Variants in GRIN3A observed in about 807,000 individuals in gnomAD.
The protein encoded by GRIN3A is glutamate ionotropic receptor NMDA type subunit 3A.
Under a neutral mutation model 92.4 loss-of-function variants are expected in GRIN3A, and 47 were observed. The ratio of observed to expected loss-of-function variants is 0.51; its 90% CI spans 0.40 to 0.65. The LOEUF is 0.65. Ranked by LOEUF, GRIN3A falls within the 30% of genes least tolerant of loss-of-function variation. The probability of loss-of-function intolerance (pLI) is 0.00; values close to 1 mark genes in which losing one functional copy is unlikely to be tolerated. For synonymous variants in GRIN3A, 527 were observed against 540.6 expected (o/e 0.97, Z 0.35); for missense variants, 1,324 against 1,393.1 (o/e 0.95, Z 0.79).
intron 2 of GRIN3A, among the ~76,000 whole-genome samples, chr9:101,679,318 A>G (rs985803524): frequency 3.9e-5 from 6 of 152,212 alleles, no homozygotes; most frequent in African/African-American, 1.4e-4. Context: ...CTTCTCGGGC[A>G]CATAAAAGCT....
intron 3 of GRIN3A, among the ~76,000 whole-genome samples, chr9:101,659,980 C>T (rs867571141): frequency 3.1e-4 from 47 of 151,924 alleles, no homozygotes; most frequent in African/African-American, 1.1e-3. Flanking sequence ...TGATGATTTT[C>T]CTATGGTTTC....
chr9:101,650,158 G>A (rs1828996065), intron 3 of GRIN3A, among the ~76,000 whole-genome samples: 1 of 152,002 alleles, frequency 6.6e-6, no homozygotes, highest in African/African-American at 2.4e-5. Flanking sequence ...AGCATATCAG[G>A]AAGGAGGAAT....
rs1303008476 is a variant in GRIN3A at position 101,610,603 on chromosome 9, A to G, written c.2766+2773T>C. Among the ~76,000 whole-genome samples the G allele has an allele frequency of 3.5e-5, 5 of 141,248 alleles. No individual in the cohort carries two copies. The East Asian group carries it at 1.0e-3, about 29-fold the overall frequency. 92.7% of individuals were successfully genotyped at this position (141,248 alleles called of 152,430 possible). ...TATCTATCTATCTATCTATCTATCT[A>G]TCTATCTATCTATCTATCTATCATC... On this transcript the variant is annotated intron_variant, in intron 6 of 8. Transcript: ENST00000361820.
chr9:101,734,797 T>G (rs1327936616), intron 1 of GRIN3A, among the ~76,000 whole-genome samples: 1 of 151,986 alleles, frequency 6.6e-6, no homozygotes, highest in Non-Finnish European at 1.5e-5. Flanking sequence ...AGACACAATT[T>G]TATTTTACTT....
At position 101,737,891 on chromosome 9, in the gene GRIN3A, C is replaced by T; in HGVS notation, c.89G>A (p.Ser30Asn). 1 of 1,534,550 alleles carries T rather than the reference C, an allele frequency of 6.5e-7. No homozygotes were observed. The part of the protein sequence containing the change: ...PCALVLAGVP[S>N]SSSHPQPCQI... ...GCAGGGCTGCGGGTGCGAGGAGGAG[C>T]TGGGCACCCCGGCCAGCACCAGTGC... is the stretch of plus-strand genomic sequence containing the variant. Residue 30 changes from serine (S) to asparagine (N), a missense_variant, in exon 1 of 9, where the codon AGC becomes AAC. Physicochemically the swap from Ser to Asn is conservative, Grantham distance 46. Coordinates refer to ENST00000361820, the MANE Select transcript of GRIN3A (RefSeq NM_133445.3).
At chr9:101,655,750 T>G (rs771649033) in intron 3 of GRIN3A, among the ~76,000 whole-genome samples, 17 of 151,912 alleles carry the variant, frequency 1.1e-4, no homozygotes, top group Non-Finnish European at 2.2e-4. Flanking sequence ...GAAGTGAAAG[T>G]GTTTGGGAGG....
chr9:101,647,586 A>T (rs747852530), intron 3 of GRIN3A, among the ~76,000 whole-genome samples: 21 of 151,876 alleles, frequency 1.4e-4, no homozygotes, highest in Non-Finnish European at 2.7e-4. Context: ...TAGTTCTTTT[A>T]AAGTTTGGTT....
intron 3 of GRIN3A, among the ~76,000 whole-genome samples, chr9:101,659,430 T>C (rs1829140347): frequency 7.9e-6 from 1 of 126,594 alleles, no homozygotes; most frequent in African/African-American, 2.9e-5. Context: ...TCTATGTATT[T>C]ATTTATACAT....
At chr9:101,606,257 G>A (rs541705091) in intron 6 of GRIN3A, among the ~76,000 whole-genome samples, 1 of 152,116 alleles carries the variant, frequency 6.6e-6, no homozygotes, top group Non-Finnish European at 1.5e-5. Context: ...CTTCCAGATC[G>A]ACTCTCCATC....
At chr9:101,684,517 G>A (rs933819764) in intron 2 of GRIN3A, among the ~76,000 whole-genome samples, 2 of 151,968 alleles carry the variant, frequency 1.3e-5, no homozygotes, top group African/African-American at 4.8e-5. Context: ...TTCTAGCTCA[G>A]AACTCAGATT....
intron 1 of GRIN3A, among the ~76,000 whole-genome samples, chr9:101,713,772 C>T (rs574124022): frequency 6.6e-6 from 1 of 152,074 alleles, no homozygotes; most frequent in Admixed American, 6.6e-5. Flanking sequence ...GAATTCTTCC[C>T]GCCAATTAAA....
At chr9:101,606,319 G>C (rs1828280943) in intron 6 of GRIN3A, among the ~76,000 whole-genome samples, 1 of 152,016 alleles carries the variant, frequency 6.6e-6, no homozygotes, top group Non-Finnish European at 1.5e-5. Context: ...GCACCATATC[G>C]ACAGGCTCCC....
At chr9:101,675,273 G>A (rs1433444054) in intron 2 of GRIN3A, among the ~76,000 whole-genome samples, 4 of 151,904 alleles carry the variant, frequency 2.6e-5, no homozygotes, top group Non-Finnish European at 5.9e-5. Flanking sequence ...CACTAATTAA[G>A]AATACGTAAT....
At chr9:101,721,961 T>G (rs981179854) in intron 1 of GRIN3A, among the ~76,000 whole-genome samples, 2 of 152,008 alleles carry the variant, frequency 1.3e-5, no homozygotes, top group African/African-American at 4.8e-5. Flanking sequence ...CTGCAGAAAT[T>G]TGAATAAGTA....
intron 5 of GRIN3A, among the ~76,000 whole-genome samples, chr9:101,617,623 T>G (rs1354900249): frequency 6.8e-6 from 1 of 146,052 alleles, no homozygotes; most frequent in East Asian, 1.9e-4. Context: ...TTATTTTATT[T>G]ATTTATTTTG....
At chr9:101,613,258 A>T in intron 6 of GRIN3A, 118 bp downstream of exon 6, 1 of 1,086,760 alleles carries the variant, frequency 9.2e-7, no homozygotes, top group Non-Finnish European at 1.4e-6. Flanking sequence ...TCCAAATATT[A>T]TGCAAGAGTC....
chr9:101,708,014 A>G (rs1382571336), intron 1 of GRIN3A, among the ~76,000 whole-genome samples: 1 of 152,156 alleles, frequency 6.6e-6, no homozygotes, highest in African/African-American at 2.4e-5. Flanking sequence ...TCCTCATTGC[A>G]AAAAGGTCTG....
chr9:101,680,367 A>G (rs1051631565), intron 2 of GRIN3A, among the ~76,000 whole-genome samples: 4 of 152,198 alleles, frequency 2.6e-5, no homozygotes, highest in African/African-American at 9.7e-5. Context: ...ATTCTTCTCA[A>G]TGCCTGGCAC....
chr9:101,625,619 C>A (rs990896536), intron 4 of GRIN3A, among the ~76,000 whole-genome samples: 2 of 152,110 alleles, frequency 1.3e-5, no homozygotes, highest in African/African-American at 4.8e-5. Context: ...TACAATGAGG[C>A]CCAAATTTAA....
Sources: gnomAD v4.1 joint callset for allele counts (sites outside exome capture counted in the v4.1 genomes callset) on GRCh38, gnomAD v4.1.1 for gene constraint, MANE v1.5 for transcripts, NCBI Gene and HGNC (gene_info 2026-07-23, HGNC 2026-07-21) for gene names.